TJP2: variants seen among roughly 807,000 people sequenced by gnomAD.
TJP2 encodes the protein tight junction protein 2, also known as Friedreich ataxia region gene X104 (tight junction protein ZO-2).
In TJP2, 91 loss-of-function variants were observed where a neutral mutation model predicts 133.1. That is an observed-to-expected ratio of 0.68 (90% CI 0.58 to 0.81). The LOEUF (loss-of-function observed/expected upper bound fraction) is 0.81. Among genes scored for constraint, TJP2 ranks in the 40% least tolerant of loss-of-function variants. The pLI is 0.00. For synonymous variants in TJP2, 592 were observed against 583.4 expected, an observed-to-expected ratio of 1.01 and a Z score of -0.21; for missense variants, 1,541 against 1,565.6, an observed-to-expected ratio of 0.98 and a Z score of 0.26.
At chr9:69,186,923 T>C (rs997374835) in intron 1 of TJP2, among the ~76,000 whole-genome samples, 6 of 152,198 alleles carry the variant, frequency 3.9e-5, no homozygotes, top group African/African-American at 1.2e-4. Flanking sequence ...ATCAGGAATT[T>C]GTTAGTCACC....
At chr9:69,228,719 G>T (rs1829537963) in intron 9 of TJP2, among the ~76,000 whole-genome samples, 1 of 152,082 alleles carries the variant, frequency 6.6e-6, no homozygotes, top group Non-Finnish European at 1.5e-5. Context: ...TTTTGACGTT[G>T]ACAAAATATA....
intron 1 of TJP2, among the ~76,000 whole-genome samples, chr9:69,141,848 C>T (rs1823032390): frequency 6.6e-6 from 1 of 152,178 alleles, no homozygotes; most frequent in South Asian, 2.1e-4. Flanking sequence ...CTCGGCCTGC[C>T]ACAGTGCTGG....
exon 2 of TJP2, chr9:69,151,687 G>A: frequency 2.4e-6 from 3 of 1,232,048 alleles, no homozygotes; most frequent in Non-Finnish European, 3.0e-6. Flanking sequence ...CTCCCTGTGA[G>A]TGGGATTGGC....
chr9:69,213,086 G>A (rs1461786234), intron 2 of TJP2, among the ~76,000 whole-genome samples: 2 of 97,540 alleles, frequency 2.1e-5, no homozygotes, highest in Non-Finnish European at 4.0e-5. Flanking sequence ...TTTTTGAGAC[G>A]GAATTGCACT....
At position 69,121,491 on chromosome 9, in the gene TJP2, C is replaced by T. The variant is rs572327259; in HGVS notation, c.-365C>T. ...TCTCAAACCTCTAAACAGGAAATAG[C>T]CCGAATCACAATAATATACGGGAGC... On this transcript the variant is annotated 5_prime_UTR_variant, in exon 1 of 6. Transcript: ENST00000423935. The T allele has an allele frequency of 5.2e-5, 18 of 347,998 alleles. No homozygotes were observed. The South Asian group carries it at 5.8e-4, about 11-fold the overall frequency. 21.6% of individuals were successfully genotyped at this position (347,998 alleles called of 1,614,324 possible). A position where few individuals can be genotyped will look rare whatever the true frequency, so the allele number is the denominator to read the frequency against.
At chr9:69,151,157 C>G (rs1003067173) in intron 1 of TJP2, among the ~76,000 whole-genome samples, 2 of 152,026 alleles carry the variant, frequency 1.3e-5, no homozygotes, top group Non-Finnish European at 2.9e-5. Flanking sequence ...GGTTATGGGG[C>G]TTTTCTTGTG....
chr9:69,218,569 C>G, intron 4 of TJP2: 1 of 591,420 alleles, frequency 1.7e-6, no homozygotes, highest in Non-Finnish European at 3.1e-6. Flanking sequence ...CAGTGATTCT[C>G]TGATCTGAGT....
intron 5 of TJP2, 62 bp from the exon 6 acceptor site, chr9:69,225,242 C>A: frequency 9.1e-7 from 1 of 1,100,174 alleles, no homozygotes; most frequent in Non-Finnish European, 1.4e-6. Flanking sequence ...GTCCTATAAA[C>A]CAGACTAAGT....
rs113711456 is a variant in TJP2, at chr9:69,197,168, G to T, written c.61-15380G>T. Among the ~76,000 whole-genome samples, 450 of 152,174 alleles carry T rather than the reference G, an allele frequency of 3.0e-3. 5 individuals are homozygous for T. The highest frequency in any genetic ancestry group is 0.011 in the African/African-American group (438 of 41,516). On this transcript the variant is annotated intron_variant, in intron 1 of 22. Transcript: ENST00000377245. ...TTTAGTAGAGATGGGGTTTTACCAG[G>T]CTGGTCTTGAACTCCTGAACTCAAG...
At chr9:69,153,626 A>G (rs1440684690) in intron 2 of TJP2, among the ~76,000 whole-genome samples, 2 of 152,216 alleles carry the variant, frequency 1.3e-5, no homozygotes, top group African/African-American at 4.8e-5. Context: ...ATTTCTAGAT[A>G]GGATCTGTTG....
intron 1 of TJP2, among the ~76,000 whole-genome samples, chr9:69,191,880 G>C (rs1159847073): frequency 1.3e-5 from 2 of 151,630 alleles, no homozygotes; most frequent in Non-Finnish European, 2.9e-5. Context: ...GGGATTATAG[G>C]CACGTACCAC....
In TJP2 at chr9:69,254,744, G is replaced by C. The variant is rs116341259; in HGVS notation, c.*370G>C. ...AGCTGCCTTCAAGGACTGTTTCAGT[G>C]TGAGTCAGAATGTGAAAAAGGAATA... On this transcript the variant is annotated 3_prime_UTR_variant, in exon 23 of 23. Transcript: ENST00000377245. 6.0e-3 allele frequency: 3,171 copies of C among 528,336 alleles called. 19 individuals are homozygous for C. The highest frequency in any genetic ancestry group is 0.017 in the African/African-American group (890 of 53,202). 32.7% of individuals were successfully genotyped at this position (528,336 alleles called of 1,614,324 possible). A position where few individuals can be genotyped will look rare whatever the true frequency, so the allele number is the denominator to read the frequency against.
At chr9:69,123,209 TCTAC>T (rs1822229062) in intron 1 of TJP2, among the ~76,000 whole-genome samples, 2 of 83,680 alleles carry the variant, frequency 2.4e-5, no homozygotes, top group African/African-American at 3.7e-5. Flanking sequence ...ACCAGGACAC[TCTAC>T]AGCCGCATGG....
Position 69,251,170 on chromosome 9 carries a change from C to A in TJP2, c.3127C>A (p.Pro1043Thr). 1 of 1,614,164 alleles carries A rather than the reference C, an allele frequency of 6.2e-7. No homozygotes were observed. Among genetic ancestry groups the A allele is most frequent in the East Asian group, 2.2e-5 (1 of 44,882 alleles). Reference sequence around the variant, plus strand: ...TTATCCTCCTCCTGTTGCAGCAAAACCTACCTTTGGGCGGTCTATACTGAA... The same window carrying A: ...TTATCCTCCTCCTGTTGCAGCAAAAACTACCTTTGGGCGGTCTATACTGAA... ...KGYPPPVAAKPTFGRSILKPS... is the reference protein window; with the variant it reads ...KGYPPPVAAKTTFGRSILKPS... The change falls in exon 21 of 23, where the codon CCT (proline) becomes ACT (threonine). Residue 1043 changes from proline (P) to threonine (T), a missense_variant. Transcript: ENST00000377245.
At chr9:69,122,997 G>T (rs559460438) in intron 1 of TJP2, among the ~76,000 whole-genome samples, 1 of 152,194 alleles carries the variant, frequency 6.6e-6, no homozygotes, top group Non-Finnish European at 1.5e-5. Context: ...TAAGGTCACG[G>T]GTGCATTACC....
chr9:69,221,647 G>T (rs187817893), intron 5 of TJP2, 151 bp downstream of exon 5: 1 of 1,056,104 alleles, frequency 9.5e-7, no homozygotes, highest in Admixed American at 2.1e-5. Flanking sequence ...TCCACCTCCC[G>T]GGTTCAAGTG....
intron 1 of TJP2, chr9:69,204,994 C>G (rs554579037): frequency 1.5e-6 from 2 of 1,357,872 alleles, no homozygotes; most frequent in African/African-American, 2.9e-5. Flanking sequence ...CTTTTCAAAG[C>G]GTTTGGCATC....
chr9:69,143,614 G>T (rs766593737), intron 1 of TJP2, among the ~76,000 whole-genome samples: 1 of 152,188 alleles, frequency 6.6e-6, no homozygotes, highest in Non-Finnish European at 1.5e-5. Flanking sequence ...CTATGGAAAT[G>T]AAATATTCCA....
chr9:69,207,706 T>C (rs1209685073), intron 1 of TJP2, among the ~76,000 whole-genome samples: 1 of 152,198 alleles, frequency 6.6e-6, no homozygotes, highest in Non-Finnish European at 1.5e-5. Context: ...AGGTCAGATA[T>C]TGCTAGCAAG....
Sources: allele counts gnomAD v4.1 joint callset (sites outside exome capture counted in the v4.1 genomes callset), GRCh38; gene constraint gnomAD v4.1.1; transcripts MANE v1.5; gene names NCBI Gene and HGNC (gene_info 2026-07-23, HGNC 2026-07-21).